The following LFNG variants were observed in gnomAD, a reference collection of about 807,000 sequenced individuals.
LFNG encodes beta-1,3-N-acetylglucosaminyltransferase lunatic fringe.
A neutral mutation model predicts 32.7 loss-of-function variants in LFNG; 15 were observed. That is an observed-to-expected ratio of 0.46 (90% CI 0.31 to 0.71). The LOEUF is 0.71. Ranked by LOEUF, LFNG falls within the 30% of genes least tolerant of loss-of-function variation. The pLI is 0.06. For synonymous variants in LFNG, 274 were observed against 246.8 expected (o/e 1.11, Z -1.03); for missense variants, 520 against 545.7 (o/e 0.95, Z 0.47).
In LFNG at chr7:2,524,684, T is replaced by C. The variant is rs1306430822; in HGVS notation, c.433-11T>C. ...AGGGCTGCCTGCTGAAGGCCGATTT[T>C]CTCCTTCCAGACGTTCATCTTCACT... On this transcript the variant is annotated splice_polypyrimidine_tract_variant and intron_variant, in intron 1 of 7. Transcript: ENST00000222725. 1.9e-6 allele frequency: 3 copies of C among 1,581,314 alleles called. No homozygotes were observed. The highest frequency in any genetic ancestry group is 2.6e-6 in the Non-Finnish European group (3 of 1,163,640).
At chr7:2,517,241 C>T (rs555508541), upstream of LFNG, among the ~76,000 whole-genome samples, 4 of 152,240 alleles carry the variant, frequency 2.6e-5, no homozygotes, top group African/African-American at 4.8e-5. Context: ...GAAGTCACCA[C>T]GAAATTCCAT....
chr7:2,526,603 C>T lies in LFNG; in HGVS notation c.987+194C>T, dbSNP rs1417360865. Among the ~76,000 whole-genome samples the T allele has an allele frequency of 6.6e-6, 1 of 152,164 alleles. No individual in the cohort carries two copies. Among genetic ancestry groups the T allele is most frequent in the Non-Finnish European group, 1.5e-5 (1 of 68,020 alleles). ...GCGGGTTGTTTTCCTGCCGTCTCTT[C>T]TCTTCACTGTGATGCGCCTACTGTG... On this transcript the variant is annotated intron_variant, in intron 6 of 7. Transcript: ENST00000222725. This position sits in a 1 kb window ranked among gnomAD's most constrained non-coding sequence, Gnocchi z 6.9.
rs1779755728 is a variant in LFNG, at chr7:2,520,315, C to T, written c.432+22C>T. 1 of 1,601,004 alleles carries T rather than the reference C, an allele frequency of 6.2e-7. No individual in the cohort carries two copies. Among genetic ancestry groups the T allele is most frequent in the African/African-American group, 1.3e-5 (1 of 74,168 alleles). ...GATGGTGAGCCCCCCGCGGCCTGGA[C>T]TGGCGGGCGAGCGGGGCGGGGACCC... On this transcript the variant is annotated intron_variant, in intron 1 of 7. Transcript: ENST00000222725. This position sits in a 1 kb window ranked among gnomAD's most constrained non-coding sequence, Gnocchi z 5.0.
chr7:2,529,041 G>T (rs773562959), downstream of LFNG: 1 of 429,614 alleles, frequency 2.3e-6, no homozygotes, highest in Non-Finnish European at 4.2e-6. This position sits in a 1 kb window ranked among gnomAD's most constrained non-coding sequence, Gnocchi z 4.2. Context: ...CCCCGACCCC[G>T]CTCAGGGGTG....
At chr7:2,525,654 G>C (rs764830769) in intron 4 of LFNG, 31 bp from the exon 5 acceptor site, 1 of 1,612,570 alleles carries the variant, frequency 6.2e-7, no homozygotes, top group Non-Finnish European at 8.5e-7. Context: ...AGCAGCGCCT[G>C]GGTCTCAGGA....
At position 2,528,261 on chromosome 7, in the gene LFNG, C is replaced by T. The variant is rs548679551; in HGVS notation, c.*1049C>T. ...CTCCTGTGTAGCTGCCACCTCCCCG[C>T]TGGGCCCAGCATGGCTCACCTGTCC... On this transcript the variant is annotated 3_prime_UTR_variant, in exon 8 of 8. Coordinates refer to ENST00000222725, the MANE Select transcript of LFNG (RefSeq NM_001040167.2). 26 of 986,070 alleles carry T rather than the reference C, an allele frequency of 2.6e-5. No homozygotes were observed. The African/African-American group carries it at 4.2e-4, about 16-fold the overall frequency. The allele number at this position is 986,070 out of a possible 1,614,324, so 61.1% of individuals were successfully genotyped here.
upstream of LFNG, among the ~76,000 whole-genome samples, chr7:2,513,839 C>T (rs1177683955): frequency 2.0e-5 from 3 of 152,226 alleles, no homozygotes; most frequent in Non-Finnish European, 4.4e-5. Flanking sequence ...TCAGATTAGC[C>T]CCATCCAGCC....
chr7:2,527,337 C>CGTGT lies in LFNG; in HGVS notation c.*138_*141dup, dbSNP rs1554291255. On this transcript the variant is annotated 3_prime_UTR_variant, in exon 8 of 8. Transcript: ENST00000222725. The surrounding 1 kb of genome is among the most constrained non-coding windows in gnomAD (Gnocchi z 4.4). ...GGCCGTGCCTGTGCGTGTGCGTGTG[C>CGTGT]GTGTGTGTGTGTGTGTACTGCATGC... 24 of 1,451,898 alleles carry CGTGT rather than the reference C, an allele frequency of 1.7e-5. No homozygotes were observed. The highest frequency in any genetic ancestry group is 6.3e-5 in the Admixed American group (3 of 47,586). The allele number at this position is 1,451,898 out of a possible 1,614,324, so 89.9% of individuals were successfully genotyped here.
chr7:2,529,085 G>T (rs558294755), downstream of LFNG: 1 of 396,558 alleles, frequency 2.5e-6, no homozygotes, highest in East Asian at 3.7e-5. This position sits in a 1 kb window ranked among gnomAD's most constrained non-coding sequence, Gnocchi z 4.2. Context: ...GAGCAGTGCC[G>T]GAGCCCCCAC....
intron 1 of LFNG, among the ~76,000 whole-genome samples, chr7:2,521,329 T>C (rs1197287648): frequency 1.6e-5 from 2 of 122,578 alleles, no homozygotes; most frequent in African/African-American, 6.1e-5. Context: ...CTCAGCGGGC[T>C]GGCGGGAGGG....
At chr7:2,515,137 T>C (rs1562548918), upstream of LFNG, among the ~76,000 whole-genome samples, 1 of 152,028 alleles carries the variant, frequency 6.6e-6, no homozygotes, top group Non-Finnish European at 1.5e-5. Flanking sequence ...CATCTAACTG[T>C]TCATCCATCC....
At chr7:2,523,064 T>A (rs2128376286) in intron 1 of LFNG, among the ~76,000 whole-genome samples, 1 of 152,336 alleles carries the variant, frequency 6.6e-6, no homozygotes, top group African/African-American at 2.4e-5. Flanking sequence ...AAGGTGACTT[T>A]AATCTCCGTA....
In LFNG at chr7:2,526,189, T is replaced by A. The variant is rs778776108; in HGVS notation, c.822-55T>A. ...CTTTGCCTGGTGGGGCCTCCCCAGC[T>A]CCCAGCAGATGGCTCCCGCCTCTGC... On this transcript the variant is annotated intron_variant, in intron 5 of 7. Coordinates refer to ENST00000222725, the MANE Select transcript of LFNG (RefSeq NM_001040167.2). This position sits in a 1 kb window ranked among gnomAD's most constrained non-coding sequence, Gnocchi z 6.9. 1 of 1,599,530 alleles carries A rather than the reference T, an allele frequency of 6.3e-7. No individual in the cohort carries two copies. Among genetic ancestry groups the A allele is most frequent in the Non-Finnish European group, 8.5e-7 (1 of 1,171,698 alleles).
downstream of LFNG, chr7:2,528,550 A>G: frequency 2.4e-6 from 1 of 421,164 alleles, no homozygotes; most frequent in South Asian, 7.0e-5. Context: ...GCAGGTAGAT[A>G]GGAAACGCTT....
In LFNG at chr7:2,520,296, G is replaced by A; in HGVS notation, c.432+3G>A. 1.2e-6 allele frequency: 2 copies of A among 1,607,410 alleles called. No homozygotes were observed. The highest frequency in any genetic ancestry group is 1.7e-5 in the Admixed American group (1 of 59,804). On this transcript the variant is annotated splice_donor_region_variant and intron_variant, in intron 1 of 7. Transcript: ENST00000222725. This position sits in a 1 kb window ranked among gnomAD's most constrained non-coding sequence, Gnocchi z 5.0. Reference sequence around the variant, plus strand: ...GGATCTCGCGCCACAAGGAGATGGTGAGCCCCCCGCGGCCTGGACTGGCGG... The same window carrying A: ...GGATCTCGCGCCACAAGGAGATGGTAAGCCCCCCGCGGCCTGGACTGGCGG...
In LFNG at chr7:2,520,138, G is replaced by T; in HGVS notation, c.277G>T (p.Gly93Trp). The T allele has an allele frequency of 7.3e-7, 1 of 1,377,510 alleles. No individual in the cohort carries two copies. The highest frequency in any genetic ancestry group is 1.7e-5 in the South Asian group (1 of 58,760). The allele number at this position is 1,377,510 out of a possible 1,614,324, so 85.3% of individuals were successfully genotyped here. The change falls in exon 1 of 8, where the codon GGG (glycine) becomes TGG (tryptophan). Residue 93 changes from glycine to tryptophan, a missense_variant. By Grantham distance (184) the Gly-to-Trp change is radical. Transcript: ENST00000222725. The surrounding 1 kb of genome is among the most constrained non-coding windows in gnomAD (Gnocchi z 5.0). ...RARRDAGPPP[G>W]AAPRPADGHP... Reference sequence around the variant, plus strand: ...GCGCAGAGATGCGGGCCCGCCGCCCGGGGCTGCCCCCCGCCCCGCCGACGG... The same window carrying T: ...GCGCAGAGATGCGGGCCCGCCGCCCTGGGCTGCCCCCCGCCCCGCCGACGG...
intron 1 of LFNG, among the ~76,000 whole-genome samples, chr7:2,521,605 C>A (rs1779794706): frequency 6.6e-6 from 1 of 152,136 alleles, no homozygotes; most frequent in Admixed American, 6.5e-5. Context: ...CTGAGCCTGG[C>A]CCCCCCACCC....
chr7:2,519,563 G>A (rs963391012), upstream of LFNG, among the ~76,000 whole-genome samples: 1 of 150,568 alleles, frequency 6.6e-6, no homozygotes, highest in Non-Finnish European at 1.5e-5. Context: ...ACCCGGGGCG[G>A]GGGGGGTGCG....
At chr7:2,521,557 C>G (rs1477256320) in intron 1 of LFNG, among the ~76,000 whole-genome samples, 3 of 152,240 alleles carry the variant, frequency 2.0e-5, no homozygotes, top group Admixed American at 2.0e-4. Flanking sequence ...CGGGCCCCCC[C>G]AGCATCTCTT....
Sources: gnomAD v4.1 joint callset for allele counts (sites outside exome capture counted in the v4.1 genomes callset) on GRCh38, gnomAD v4.1.1 for gene constraint, Gnocchi (gnomAD v3.1) non-coding constraint, MANE v1.5 for transcripts, NCBI Gene and HGNC (gene_info 2026-07-23, HGNC 2026-07-21) for gene names.